Variants in ITGAD observed in about 807,000 individuals in gnomAD.
The protein encoded by ITGAD is integrin subunit alpha D, also known as integrin alpha-D.
ITGAD carries 105 observed loss-of-function variants against 139.0 expected under a neutral mutation model. The observed-to-expected ratio is 0.76, with a 90% CI of 0.65 to 0.89. The LOEUF (loss-of-function observed/expected upper bound fraction) is 0.89. ITGAD is among the 40% of genes least tolerant of loss of function. The pLI, the probability that ITGAD is intolerant of heterozygous loss-of-function variation, is 0.00. For synonymous variants in ITGAD, 569 were observed against 598.3 expected, an observed-to-expected ratio of 0.95 and a Z score of 0.71; for missense variants, 1,384 against 1,487.3, an observed-to-expected ratio of 0.93 and a Z score of 1.14.
In ITGAD at chr16:31,423,955, C is replaced by T. The variant is rs766931953; in HGVS notation, c.3156C>T (p.Arg1052=). 29 of 1,613,968 alleles carry T rather than the reference C, an allele frequency of 1.8e-5. No individual in the cohort carries two copies. The East Asian group carries it at 4.5e-4, about 25-fold the overall frequency. The change falls in exon 27 of 30, where the codon CGC becomes CGT. Residue 1052 remains arginine (R), a synonymous_variant. Coordinates refer to ENST00000389202, the MANE Select transcript of ITGAD (RefSeq NM_005353.3). ...GCAATCTCAGTTTCGGCTGGGTCCG[C>T]GAGGTGTGTGGGGGCAGCGGCAGAG... ...LKGNLSFGWV[R]ETLQKKVLVV...
chr16:31,419,125 G>A (rs761232260), intron 23 of ITGAD, among the ~76,000 whole-genome samples: 4 of 151,850 alleles, frequency 2.6e-5, no homozygotes, highest in Admixed American at 6.6e-5. Context: ...CCTGGGAGGC[G>A]GAGGTTGCAG....
At chr16:31,405,824 G>A (rs2081525995) in intron 7 of ITGAD, among the ~76,000 whole-genome samples, 1 of 151,786 alleles carries the variant, frequency 6.6e-6, no homozygotes, top group Non-Finnish European at 1.5e-5. Context: ...AACATTTTTT[G>A]TAGATATGGG....
rs753294210 is a variant in ITGAD, at chr16:31,410,408, T to A, written c.1097T>A (p.Leu366Gln). 2.5e-6 allele frequency: 4 copies of A among 1,613,820 alleles called. No individual in the cohort carries two copies. Among genetic ancestry groups the A allele is most frequent in the Admixed American group, 3.3e-5 (2 of 59,978 alleles). Residue 366 changes from leucine to glutamine, a missense_variant, in exon 11 of 30, where the codon CTG (leucine) becomes CAG (glutamine). By Grantham distance (113) the Leu-to-Gln change is moderately radical. Coordinates refer to ENST00000389202, the MANE Select transcript of ITGAD (RefSeq NM_005353.3). ...STALTMDGLF[L>Q]GAVGSFSWSG... ...CTTTCCTCCCAGGATGGCCTCTTCCTGGGGGCTGTGGGGAGCTTTAGCTGG... is the reference window on the plus strand; with the variant it reads ...CTTTCCTCCCAGGATGGCCTCTTCCAGGGGGCTGTGGGGAGCTTTAGCTGG...
intron 23 of ITGAD, among the ~76,000 whole-genome samples, chr16:31,422,511 C>T (rs541448648): frequency 4.6e-5 from 7 of 152,258 alleles, no homozygotes; most frequent in African/African-American, 1.7e-4. Flanking sequence ...CCATGTCTTC[C>T]TGAGTGATCC....
At chr16:31,399,396 G>A (rs575864696) in intron 5 of ITGAD, among the ~76,000 whole-genome samples, 20 of 152,316 alleles carry the variant, frequency 1.3e-4, no homozygotes, top group South Asian at 6.2e-4. Flanking sequence ...CTCATCTGCC[G>A]TGTGAGAGGG....
At position 31,416,627 on chromosome 16, in the gene ITGAD, G is replaced by A. The variant is rs770206209; in HGVS notation, c.2480G>A (p.Arg827Gln). ...SLYYPAGLSH[R>Q]RVSGAQKQPH... is the part of the protein sequence containing the mutation. ...TACTATCCAGCAGGGCTGTCGCACC[G>A]ACGGGTGTCAGGAGCCCAGGTAACA... The change falls in exon 20 of 30, where the codon CGA becomes CAA. Residue 827 changes from arginine (R) to glutamine (Q), a missense_variant. By Grantham distance (43) the Arg-to-Gln change is conservative. Coordinates refer to ENST00000389202, the MANE Select transcript of ITGAD (RefSeq NM_005353.3). 23 of 1,610,374 alleles carry A rather than the reference G, an allele frequency of 1.4e-5. No individual in the cohort carries two copies. The Admixed American group carries it at 1.5e-4, about 11-fold the overall frequency.
intron 12 of ITGAD, 68 bp downstream of exon 12, chr16:31,410,946 G>C: frequency 1.9e-6 from 3 of 1,598,802 alleles, no homozygotes; most frequent in Non-Finnish European, 1.7e-6. Flanking sequence ...CAGTGGCCGG[G>C]GCTAGGGAGA....
At chr16:31,398,228 C>T (rs1198213624) in intron 5 of ITGAD, among the ~76,000 whole-genome samples, 1 of 151,698 alleles carries the variant, frequency 6.6e-6, no homozygotes, top group Admixed American at 6.6e-5. Flanking sequence ...ACCAGCCTGG[C>T]CAATGTGGTG....
In ITGAD at chr16:31,416,202, T is replaced by C. The variant is rs750466315; in HGVS notation, c.2284-11T>C. ...TGTCAGATGGGAACAGAATATACTA[T>C]TTTGCTGCAGCTCCCCTTCGAGAAG... On this transcript the variant is annotated splice_polypyrimidine_tract_variant and intron_variant, in intron 18 of 29. Transcript: ENST00000389202. The C allele has an allele frequency of 6.3e-7, 1 of 1,595,734 alleles. No homozygotes were observed. The highest frequency in any genetic ancestry group is 2.3e-5 in the East Asian group (1 of 44,360).
intron 29 of ITGAD, among the ~76,000 whole-genome samples, chr16:31,425,559 G>A (rs971368674): frequency 6.6e-6 from 1 of 152,120 alleles, no homozygotes; most frequent in African/African-American, 2.4e-5. Flanking sequence ...AAATGTTCTC[G>A]CACACAAACG....
Position 31,403,905 on chromosome 16 carries a change from C to T in ITGAD, c.704+260C>T, listed in dbSNP as rs1246952023. 2.1e-6 allele frequency: 1 copy of T among 479,752 alleles called. No homozygotes were observed. The highest frequency in any genetic ancestry group is 3.8e-6 in the Non-Finnish European group (1 of 264,336). The allele number at this position is 479,752 out of a possible 1,614,324, so 29.7% of individuals were successfully genotyped here. ...GCAGAGCCTGGACCCCAGGACCCCT[C>T]CCCACCCCACAGCAGCCAGAGGCCC... On this transcript the variant is annotated intron_variant, in intron 7 of 29. Transcript: ENST00000389202. This position sits in a 1 kb window ranked among gnomAD's most constrained non-coding sequence, Gnocchi z 4.4.
chr16:31,418,678 G>C (rs2081948000), intron 23 of ITGAD, 114 bp downstream of exon 23: 1 of 838,080 alleles, frequency 1.2e-6, no homozygotes. Flanking sequence ...CCTGTTTTGG[G>C]ATGCCTTTGT....
In ITGAD at chr16:31,413,098, G is replaced by C; in HGVS notation, c.1848G>C (p.Pro616=). Residue 616 remains proline (P), a synonymous_variant, in exon 16 of 30, where the codon CCG becomes CCC. Transcript: ENST00000389202. ...CTACTCTGCCCCTCAGGAGTCTGCC[G>C]GTGCTGAAAGTGGGGGTGGCCATGA... is the stretch of plus-strand genomic sequence containing the variant. The part of the protein sequence containing the change: ...RGQVLLLRSL[P]VLKVGVAMRF... 4 of 1,614,074 alleles carry C rather than the reference G, an allele frequency of 2.5e-6. No individual in the cohort carries two copies. Among genetic ancestry groups the C allele is most frequent in the Non-Finnish European group, 3.4e-6 (4 of 1,180,002 alleles).
rs2081934395 is a variant in ITGAD, at chr16:31,418,120, C to G, written c.2545C>G (p.Pro849Ala). The G allele has an allele frequency of 6.2e-7, 1 of 1,613,962 alleles. No individual in the cohort carries two copies. Among genetic ancestry groups the G allele is most frequent in the Admixed American group, 1.7e-5 (1 of 59,984 alleles). ...SALRLACETV[P>A]TEDEGLRSSR... ...CCTGCGCCTGGCATGTGAGACAGTG[C>G]CCACTGAGGATGAGGGCCTAAGAAG... Residue 849 changes from proline (P) to alanine (A), a missense_variant, in exon 21 of 30, where the codon CCC becomes GCC. Coordinates refer to ENST00000389202, the MANE Select transcript of ITGAD (RefSeq NM_005353.3).
intron 5 of ITGAD, among the ~76,000 whole-genome samples, chr16:31,401,769 T>G (rs1252072129): frequency 6.6e-6 from 1 of 152,262 alleles, no homozygotes; most frequent in Non-Finnish European, 1.5e-5. Context: ...GTGGCTGAGC[T>G]GGGGTTTAGC....
Position 31,426,233 on chromosome 16 carries a change from G to A in ITGAD, c.*105G>A, listed in dbSNP as rs914455042. The A allele has an allele frequency of 1.4e-6, 1 of 735,200 alleles. No homozygotes were observed. The highest frequency in any genetic ancestry group is 2.7e-5 in the East Asian group (1 of 36,404). 45.5% of individuals were successfully genotyped at this position (735,200 alleles called of 1,614,324 possible). A position where few individuals can be genotyped will look rare whatever the true frequency, so the allele number is the denominator to read the frequency against. ...TCTGCATAGATCTGCACTGGCCTAA[G>A]CAACCTACCAGGTGCTAAGCACCTT... On this transcript the variant is annotated 3_prime_UTR_variant, in exon 30 of 30. Coordinates refer to ENST00000389202, the MANE Select transcript of ITGAD (RefSeq NM_005353.3).
Position 31,410,407 on chromosome 16 carries a change from C to T in ITGAD, c.1096C>T (p.Leu366=), listed in dbSNP as rs2081657054. 20 of 1,613,860 alleles carry T rather than the reference C, an allele frequency of 1.2e-5. No homozygotes were observed. Among genetic ancestry groups the T allele is most frequent in the Non-Finnish European group, 1.5e-5 (18 of 1,179,954 alleles). ...TCTTTCCTCCCAGGATGGCCTCTTCCTGGGGGCTGTGGGGAGCTTTAGCTG... is the reference window on the plus strand; with the variant it reads ...TCTTTCCTCCCAGGATGGCCTCTTCTTGGGGGCTGTGGGGAGCTTTAGCTG... ...STALTMDGLF[L]GAVGSFSWSG... Residue 366 remains leucine, a synonymous_variant, in exon 11 of 30, where the codon CTG becomes TTG. Coordinates refer to ENST00000389202, the MANE Select transcript of ITGAD (RefSeq NM_005353.3).
At chr16:31,393,799 G>A (rs2081196515) in intron 1 of ITGAD, among the ~76,000 whole-genome samples, 1 of 152,084 alleles carries the variant, frequency 6.6e-6, no homozygotes, top group Admixed American at 6.6e-5. Context: ...GAGGCCCCCT[G>A]CTGAAAACTG....
chr16:31,414,970 AC>A lies in ITGAD; in HGVS notation c.2263del (p.Gln755LysfsTer36). Reference protein sequence around the residue: ...NLRPVLAVGSQDLFTASLPFE... With the variant: ...NLRPVLAVGSXDLFTASLPFE... ...TGCGTCCTGTGCTGGCCGTGGGCTC[AC>A]AAGACCTCTTCACTGCTTCTGTGAG... On this transcript the variant is annotated frameshift_variant, in exon 18 of 30. Coordinates refer to ENST00000389202, the MANE Select transcript of ITGAD (RefSeq NM_005353.3). LOFTEE classifies it high-confidence loss of function. The A allele has an allele frequency of 6.2e-7, 1 of 1,614,098 alleles. No individual in the cohort carries two copies. The highest frequency in any genetic ancestry group is 8.5e-7 in the Non-Finnish European group (1 of 1,180,002).
Sources: gnomAD v4.1 joint callset for allele counts (sites outside exome capture counted in the v4.1 genomes callset) on GRCh38, gnomAD v4.1.1 for gene constraint, Gnocchi (gnomAD v3.1) non-coding constraint, MANE v1.5 for transcripts, NCBI Gene and HGNC (gene_info 2026-07-23, HGNC 2026-07-21) for gene names.